The following SYT1 variants were observed in gnomAD, a reference collection of about 807,000 sequenced individuals.
The protein encoded by SYT1 is synaptotagmin 1.
A neutral mutation model predicts 44.8 loss-of-function variants in SYT1; 8 were observed. The observed-to-expected ratio is 0.18, with a 90% confidence interval of 0.10 to 0.32. The LOEUF (loss-of-function observed/expected upper bound fraction) is 0.32, where lower values mean the gene tolerates loss of function less well. Among genes scored for constraint, SYT1 ranks in the 10% least tolerant of loss-of-function variants. The pLI, the probability that SYT1 is intolerant of heterozygous loss-of-function variation, is 1.00. For synonymous variants in SYT1, 154 were observed against 188.8 expected (o/e 0.82, Z 1.51); for missense variants, 286 against 509.3 (o/e 0.56, Z 4.22).
rs376465674 is a variant in SYT1 at position 78,918,010 on chromosome 12, G to GT, written c.-217+52908dup. Among the ~76,000 whole-genome samples, 673 of 152,022 alleles carry GT rather than the reference G, an allele frequency of 4.4e-3. 9 individuals are homozygous for GT. The highest frequency in any genetic ancestry group is 0.015 in the African/African-American group (609 of 41,464). On this transcript the variant is annotated intron_variant, in intron 1 of 10. Transcript: ENST00000261205. ...AAATGTACAAGCAATATTAACACAG[G>GT]TTTTTTTGCTTAAATAGTTCATTAG...
intron 3 of SYT1, among the ~76,000 whole-genome samples, chr12:79,203,366 T>C (rs948768591): frequency 1.3e-5 from 2 of 152,132 alleles, no homozygotes; most frequent in Non-Finnish European, 2.9e-5. Flanking sequence ...TGCAAGCAGT[T>C]CCAGGTACCA....
At chr12:79,213,575 G>C (rs1330449869) in intron 3 of SYT1, among the ~76,000 whole-genome samples, 1 of 152,182 alleles carries the variant, frequency 6.6e-6, no homozygotes, top group Non-Finnish European at 1.5e-5. Flanking sequence ...ATTTTTTAAA[G>C]ACTGAGTAGA....
At chr12:79,416,348 A>C (rs1206333309) in intron 9 of SYT1, among the ~76,000 whole-genome samples, 1 of 152,188 alleles carries the variant, frequency 6.6e-6, no homozygotes, top group African/African-American at 2.4e-5. Context: ...CCAGACGGCA[A>C]AAACAAAAAG....
chr12:79,397,213 G>A (rs1028667697), intron 9 of SYT1, among the ~76,000 whole-genome samples: 14 of 152,136 alleles, frequency 9.2e-5, no homozygotes, highest in African/African-American at 3.4e-4. Flanking sequence ...TTGCACCAGG[G>A]AACTAGCCAT....
chr12:79,391,688 G>A (rs1427438544), intron 9 of SYT1, among the ~76,000 whole-genome samples: 4 of 151,988 alleles, frequency 2.6e-5, no homozygotes, highest in Admixed American at 6.6e-5. Flanking sequence ...GTTGATTCCC[G>A]CCCCCCAACA....
intron 9 of SYT1, among the ~76,000 whole-genome samples, chr12:79,375,409 GT>G (rs1185450433): frequency 3.3e-5 from 5 of 152,194 alleles, no homozygotes; most frequent in African/African-American, 1.2e-4. Flanking sequence ...AAGAAATGAA[GT>G]TAGAGAGGCA....
At chr12:79,002,715 G>A (rs548979962) in intron 2 of SYT1, among the ~76,000 whole-genome samples, 3 of 151,960 alleles carry the variant, frequency 2.0e-5, no homozygotes, top group African/African-American at 7.2e-5. Flanking sequence ...ATTCCTTGAC[G>A]CTCAAATTCA....
Position 79,216,274 on chromosome 12 carries a change from C to T in SYT1, c.-17-1229C>T, listed in dbSNP as rs139809057. Among the ~76,000 whole-genome samples the T allele has an allele frequency of 3.0e-3, 454 of 152,206 alleles. 3 individuals are homozygous for T. Among genetic ancestry groups the T allele is most frequent in the African/African-American group, 0.01 (426 of 41,532 alleles). ...AAATCTTGTTTGCTGGTTATCTCCA[C>T]GTCTTTGCAAATTAAAAGGTTTTTA... On this transcript the variant is annotated intron_variant, in intron 3 of 10. Coordinates refer to ENST00000261205, the MANE Select transcript of SYT1 (RefSeq NM_005639.3).
intron 3 of SYT1, among the ~76,000 whole-genome samples, chr12:79,193,156 T>G (rs760774684): frequency 1.3e-5 from 2 of 152,198 alleles, no homozygotes; most frequent in African/African-American, 2.4e-5. Flanking sequence ...TTAAACATTT[T>G]CTTTATACTA....
intron 9 of SYT1, among the ~76,000 whole-genome samples, chr12:79,440,085 G>A (rs1870323006): frequency 1.3e-5 from 2 of 152,078 alleles, no homozygotes; most frequent in Non-Finnish European, 2.9e-5. Flanking sequence ...AATTAGCTGG[G>A]CATGTGCCTG....
intron 9 of SYT1, among the ~76,000 whole-genome samples, chr12:79,429,492 T>A (rs145181162): frequency 2.1e-3 from 324 of 152,090 alleles, no homozygotes; most frequent in African/African-American, 6.6e-3. Context: ...TACAGACCAC[T>A]ATGCCCAGCC....
At chr12:78,974,372 G>T (rs905645193) in intron 1 of SYT1, among the ~76,000 whole-genome samples, 1 of 151,916 alleles carries the variant, frequency 6.6e-6, no homozygotes, top group Non-Finnish European at 1.5e-5. Flanking sequence ...TATAAATTAA[G>T]AAAACAGATC....
At chr12:79,032,520 G>C (rs964020896) in intron 2 of SYT1, among the ~76,000 whole-genome samples, 2 of 151,226 alleles carry the variant, frequency 1.3e-5, no homozygotes, top group Non-Finnish European at 3.0e-5. Flanking sequence ...CAAAAATACT[G>C]TGATTTGTAT....
At chr12:79,443,983 C>A (rs1282458699) in intron 9 of SYT1, 90 bp from the exon 10 acceptor site, 24 of 1,359,560 alleles carry the variant, frequency 1.8e-5, no homozygotes, top group Non-Finnish European at 2.3e-5. Context: ...TAATTATTTA[C>A]CTGTGGGAAA....
At chr12:79,112,026 G>GAA (rs78185411) in intron 3 of SYT1, among the ~76,000 whole-genome samples, 3 of 135,570 alleles carry the variant, frequency 2.2e-5, no homozygotes, top group African/African-American at 8.0e-5. Flanking sequence ...AAAGGATCAG[G>GAA]AAAAAAAAAA....
intron 1 of SYT1, among the ~76,000 whole-genome samples, chr12:78,903,484 G>A (rs1041848265): frequency 7.2e-5 from 11 of 151,762 alleles, no homozygotes; most frequent in African/African-American, 2.2e-4. Context: ...ATGGGTTTTC[G>A]CCATGTTGGT....
chr12:79,245,479 AAAAAAAAAAAGAAAAGAAAAAAG>A (rs1272779228), intron 4 of SYT1, among the ~76,000 whole-genome samples: 4 of 149,876 alleles, frequency 2.7e-5, no homozygotes, highest in African/African-American at 9.8e-5. Context: ...TCAACAAAAA[AAAAAAAAAAAGAAAAGAAAAAAG>A]AAAAAAAAAA....
chr12:79,100,789 T>C (rs1373771221), intron 3 of SYT1, among the ~76,000 whole-genome samples: 1 of 152,096 alleles, frequency 6.6e-6, no homozygotes, highest in Non-Finnish European at 1.5e-5. Flanking sequence ...TTTTTAATTA[T>C]ACTTATTACT....
At chr12:79,022,238 C>T (rs1872240434) in intron 2 of SYT1, among the ~76,000 whole-genome samples, 1 of 151,788 alleles carries the variant, frequency 6.6e-6, no homozygotes, top group South Asian at 2.1e-4. Context: ...GACTGAGTCT[C>T]TTAGATAGGG....
Sources: allele counts gnomAD v4.1 joint callset (sites outside exome capture counted in the v4.1 genomes callset), GRCh38; gene constraint gnomAD v4.1.1; transcripts MANE v1.5; gene names NCBI Gene and HGNC (gene_info 2026-07-23, HGNC 2026-07-21).